Variants in SGCD observed in about 807,000 individuals in gnomAD.
SGCD encodes the protein delta-sarcoglycan.
Under a neutral mutation model 36.6 loss-of-function variants are expected in SGCD, and 18 were observed. That is an observed-to-expected ratio of 0.49 (90% CI 0.34 to 0.73). The LOEUF (loss-of-function observed/expected upper bound fraction) is 0.73. Ranked by LOEUF, SGCD falls within the 30% of genes least tolerant of loss-of-function variation. The pLI, the probability that SGCD is intolerant of heterozygous loss-of-function variation, is 0.01. For synonymous variants in SGCD, 133 were observed against 130.6 expected, an observed-to-expected ratio of 1.02 and a Z score of -0.12; for missense variants, 387 against 346.7, an observed-to-expected ratio of 1.12 and a Z score of -0.92.
chr5:155,728,418 C>T, the SGCD span, among the ~76,000 whole-genome samples: 1 of 152,200 alleles, frequency 6.6e-6, no homozygotes, highest in Admixed American at 6.5e-5. Context: ...CCTGGCGAGC[C>T]GGCGAAGCAC....
intron 1 of SGCD, among the ~76,000 whole-genome samples, chr5:156,099,358 A>G (rs1278976183): frequency 6.6e-6 from 1 of 152,134 alleles, no homozygotes; most frequent in African/African-American, 2.4e-5. Flanking sequence ...GCATTTCCCC[A>G]TATCTCATAA....
chr5:156,638,007 G>A (rs1288195380), intron 6 of SGCD, among the ~76,000 whole-genome samples: 1 of 151,620 alleles, frequency 6.6e-6, no homozygotes, highest in Non-Finnish European at 1.5e-5. Flanking sequence ...TTTCTCTGTG[G>A]TCCTCAATTA....
At chr5:156,698,786 T>C (rs537722896) in intron 7 of SGCD, among the ~76,000 whole-genome samples, 2 of 151,726 alleles carry the variant, frequency 1.3e-5, no homozygotes, top group East Asian at 1.9e-4. Flanking sequence ...TCTCTGTCTG[T>C]ACAAGAGAAG....
Position 156,605,207 on chromosome 5 carries a change from C to G in SGCD, c.502+10156C>G, listed in dbSNP as rs188436779. 4.6e-3 allele frequency among the ~76,000 whole-genome samples: 695 copies of G among 152,254 alleles called. 1 individual carries two copies. The highest frequency in any genetic ancestry group is 0.015 in the African/African-American group (640 of 41,524). On this transcript the variant is annotated intron_variant, in intron 6 of 8. Transcript: ENST00000337851. ...TAATGCTATCCCTCCCCTCTCCCCC[C>G]ACCCAACAACAGGCCTCGGTGTGTG... is the stretch of plus-strand genomic sequence containing the variant.
At chr5:155,865,850 T>C (rs567873297), upstream of SGCD, among the ~76,000 whole-genome samples, 36 of 152,346 alleles carry the variant, frequency 2.4e-4, no homozygotes, top group African/African-American at 6.5e-4. Flanking sequence ...ACTTAATATA[T>C]CAAATTTTAT....
chr5:156,667,151 T>G (rs949436744), intron 7 of SGCD, among the ~76,000 whole-genome samples: 2 of 152,188 alleles, frequency 1.3e-5, no homozygotes, highest in African/African-American at 4.8e-5. Flanking sequence ...TTTCAAAATC[T>G]GGAAAAATCC....
At chr5:156,320,314 A>G (rs1767624823) in intron 3 of SGCD, among the ~76,000 whole-genome samples, 1 of 152,226 alleles carries the variant, frequency 6.6e-6, no homozygotes, top group Non-Finnish European at 1.5e-5. Context: ...TTTTTTAAGC[A>G]CAGGTCTTAT....
At chr5:156,473,814 C>A (rs998539649) in intron 3 of SGCD, among the ~76,000 whole-genome samples, 1 of 152,090 alleles carries the variant, frequency 6.6e-6, no homozygotes, top group Non-Finnish European at 1.5e-5. Flanking sequence ...CACTGACCAC[C>A]TTTTGAGAAA....
intron 7 of SGCD, among the ~76,000 whole-genome samples, chr5:156,698,545 A>G (rs558554802): frequency 6.6e-6 from 1 of 152,332 alleles, no homozygotes; most frequent in East Asian, 1.9e-4. Flanking sequence ...TTCCACGGGT[A>G]TTCTGAACAG....
intron 3 of SGCD, among the ~76,000 whole-genome samples, chr5:156,287,258 T>A (rs1030821360): frequency 6.6e-6 from 1 of 152,178 alleles, no homozygotes; most frequent in Non-Finnish European, 1.5e-5. Context: ...TCATAGGTAT[T>A]CTTATTCAGC....
intron 7 of SGCD, among the ~76,000 whole-genome samples, chr5:156,659,621 G>GAC (rs1170016507): frequency 6.7e-6 from 1 of 148,538 alleles, no homozygotes; most frequent in East Asian, 1.9e-4. Context: ...AATTTAGGTC[G>GAC]ACAGTATAAA....
At chr5:156,452,550 TA>T (rs1754066833) in intron 3 of SGCD, among the ~76,000 whole-genome samples, 1 of 152,164 alleles carries the variant, frequency 6.6e-6, no homozygotes, top group African/African-American at 2.4e-5. Flanking sequence ...TCTTCTTAGG[TA>T]ACCCTCATAA....
intron 1 of SGCD, among the ~76,000 whole-genome samples, chr5:156,037,661 A>G (rs1212616838): frequency 6.6e-6 from 1 of 152,182 alleles, no homozygotes; most frequent in Non-Finnish European, 1.5e-5. Flanking sequence ...CTCTGTCTAC[A>G]AGATAAAAGA....
intron 1 of SGCD, among the ~76,000 whole-genome samples, chr5:155,905,010 G>A (rs969876114): frequency 6.6e-6 from 1 of 152,164 alleles, no homozygotes; most frequent in Admixed American, 6.6e-5. Context: ...TGTGTGTCTG[G>A]CACTCATATG....
In SGCD at chr5:156,595,067, T is replaced by A; in HGVS notation, c.502+16T>A. On this transcript the variant is annotated intron_variant, in intron 6 of 8. Transcript: ENST00000337851. ...CGAGTTTTAGGTAAGGAAACTTGAA[T>A]CATTTAACTTGTTTGATGCTACTGT... The A allele has an allele frequency of 1.2e-6, 2 of 1,603,128 alleles. No homozygotes were observed. The highest frequency in any genetic ancestry group is 1.7e-6 in the Non-Finnish European group (2 of 1,174,350).
intron 7 of SGCD, among the ~76,000 whole-genome samples, chr5:156,723,215 G>A (rs1327444264): frequency 6.6e-6 from 1 of 152,132 alleles, no homozygotes; most frequent in African/African-American, 2.4e-5. Flanking sequence ...AGATTGAAAG[G>A]TAAAATGAGG....
intron 4 of SGCD, among the ~76,000 whole-genome samples, chr5:156,509,263 A>G (rs1432981105): frequency 6.6e-6 from 1 of 152,106 alleles, no homozygotes; most frequent in African/African-American, 2.4e-5. Context: ...TGTCTCTACT[A>G]AAAATGCAAA....
At chr5:156,144,295 T>A (rs968054074) in intron 3 of SGCD, among the ~76,000 whole-genome samples, 40 of 152,012 alleles carry the variant, frequency 2.6e-4, no homozygotes, top group Admixed American at 1.1e-3. Flanking sequence ...TAGTTCTAGA[T>A]CCCTGAGGAA....
intron 1 of SGCD, among the ~76,000 whole-genome samples, chr5:155,935,877 G>C (rs1398764776): frequency 6.6e-6 from 1 of 152,188 alleles, no homozygotes; most frequent in Non-Finnish European, 1.5e-5. Context: ...TCAGGGGTGT[G>C]TGAGCGAGCA....
Sources: allele counts gnomAD v4.1 joint callset (sites outside exome capture counted in the v4.1 genomes callset), GRCh38; gene constraint gnomAD v4.1.1; transcripts MANE v1.5; gene names NCBI Gene and HGNC (gene_info 2026-07-23, HGNC 2026-07-21).